The following CRAMP1 variants were observed in gnomAD, a reference collection of about 807,000 sequenced individuals.
CRAMP1 encodes the protein protein cramped-like.
A neutral mutation model predicts 115.4 loss-of-function variants in CRAMP1; 50 were observed. The ratio of observed to expected loss-of-function variants is 0.43; its 90% CI spans 0.35 to 0.55. CRAMP1 has a LOEUF of 0.55. CRAMP1 is among the 20% of genes least tolerant of loss of function. The pLI is 0.01. For synonymous variants in CRAMP1, 866 were observed against 745.4 expected (o/e 1.16, Z -2.64); for missense variants, 1,679 against 1,721.7 (o/e 0.98, Z 0.44).
intron 2 of CRAMP1, among the ~76,000 whole-genome samples, chr16:1,619,472 C>T (rs1422758857): frequency 3.9e-5 from 6 of 152,294 alleles, no homozygotes; most frequent in East Asian, 3.9e-4. Context: ...TGAGCCACTG[C>T]GCCCGGCACA....
chr16:1,674,418 T>C lies in CRAMP1; in HGVS notation c.*373T>C. 1 of 248,786 alleles carries C rather than the reference T, an allele frequency of 4.0e-6. No individual in the cohort carries two copies. The highest frequency in any genetic ancestry group is 7.9e-6 in the Non-Finnish European group (1 of 126,072). The allele number at this position is 248,786 out of a possible 1,614,324, so 15.4% of individuals were successfully genotyped here. ...AGTATGTGTGCCTTGGTGTAGTTGC[T>C]GTGCACTAGGAGCTGTGATCTCCCT... On this transcript the variant is annotated 3_prime_UTR_variant, in exon 21 of 21. Coordinates refer to ENST00000397412, the MANE Select transcript of CRAMP1 (RefSeq NM_020825.4).
chr16:1,665,835 G>A (rs529631548), intron 14 of CRAMP1: 22 of 531,250 alleles, frequency 4.1e-5, no homozygotes, highest in Non-Finnish European at 6.4e-5. Context: ...AGTGGTGACC[G>A]CAGCCTTCCA....
chr16:1,620,652 A>G (rs1470551413), intron 2 of CRAMP1: 2 of 457,016 alleles, frequency 4.4e-6, no homozygotes, highest in Admixed American at 4.7e-5. Context: ...ACATCTTCCA[A>G]AGGCCCAGCT....
intron 14 of CRAMP1, chr16:1,665,725 G>T: frequency 3.7e-6 from 1 of 271,840 alleles, no homozygotes; most frequent in South Asian, 7.6e-5. Context: ...AAATTGCAGT[G>T]GCAGCATCTT....
In CRAMP1 at chr16:1,656,350, G is replaced by T; in HGVS notation, c.1593G>T (p.Arg531Ser). ...PCLEKTPAEG[R>S]DSPTREPGAL... ...TTGAGAAGACCCCTGCAGAAGGCAG[G>T]GACAGTCCCACCCGGGAGCCAGGGG... Residue 531 changes from arginine (R) to serine (S), a missense_variant, in exon 10 of 21, where the codon AGG (arginine) becomes AGT (serine). Around this residue, in one of 8 missense-constraint regions of CRAMP1, gnomAD observed 405 missense variants for 302.6 expected, o/e 1.34. Coordinates refer to ENST00000397412, the MANE Select transcript of CRAMP1 (RefSeq NM_020825.4). The surrounding 1 kb of genome is among the most constrained non-coding windows in gnomAD (Gnocchi z 5.6). 6.2e-7 allele frequency: 1 copy of T among 1,607,226 alleles called. No homozygotes were observed. Among genetic ancestry groups the T allele is most frequent in the Admixed American group, 1.7e-5 (1 of 59,110 alleles).
chr16:1,663,350 G>A (rs933941634), intron 13 of CRAMP1, among the ~76,000 whole-genome samples: 1 of 152,182 alleles, frequency 6.6e-6, no homozygotes, highest in African/African-American at 2.4e-5. Context: ...AGAAATGTAT[G>A]GATGTGTGTT....
chr16:1,623,010 C>T (rs1371768795), intron 2 of CRAMP1, among the ~76,000 whole-genome samples: 1 of 152,076 alleles, frequency 6.6e-6, no homozygotes, highest in Non-Finnish European at 1.5e-5. Context: ...ATCCGCCTGC[C>T]TCGGCCTCCC....
At chr16:1,616,568 T>C (rs1189051160) in intron 2 of CRAMP1, among the ~76,000 whole-genome samples, 1 of 152,330 alleles carries the variant, frequency 6.6e-6, no homozygotes, top group Middle Eastern at 3.4e-3. Flanking sequence ...GGTCAATTTT[T>C]GGCAGTTGGG....
rs748149205 is a variant in CRAMP1, at chr16:1,667,544, C to A, written c.3102+144C>A. On this transcript the variant is annotated intron_variant, in intron 17 of 20. Transcript: ENST00000397412. The stretch of plus-strand genomic sequence containing the variant: ...TTTGCTGTTCTTCCACCTGCTGTGC[C>A]GACTGCCCAGGGTGGATAAATGAAT... 3.0e-4 allele frequency: 208 copies of A among 685,750 alleles called. 3 individuals are homozygous for A. The South Asian group carries it at 3.2e-3, about 11-fold the overall frequency. The allele number at this position is 685,750 out of a possible 1,614,324, so 42.5% of individuals were successfully genotyped here. A position where few individuals can be genotyped will look rare whatever the true frequency, so the allele number is the denominator to read the frequency against.
rs1467374376 is a variant in CRAMP1, at chr16:1,668,203, G to A, written c.3334+10G>A. On this transcript the variant is annotated intron_variant, in intron 18 of 20. Coordinates refer to ENST00000397412, the MANE Select transcript of CRAMP1 (RefSeq NM_020825.4). ...AGCTCCGGTCAGTACGGTAAGGGCA[G>A]GGCGGCCTCACAGCCCTTCCTGTCA... The A allele has an allele frequency of 3.1e-6, 5 of 1,598,876 alleles. No individual in the cohort carries two copies. The highest frequency in any genetic ancestry group is 4.3e-6 in the Non-Finnish European group (5 of 1,167,050).
At chr16:1,637,651 C>T (rs1412120637) in intron 4 of CRAMP1, among the ~76,000 whole-genome samples, 173 bp from the exon 5 acceptor site, 2 of 152,244 alleles carry the variant, frequency 1.3e-5, no homozygotes, top group Non-Finnish European at 2.9e-5. Flanking sequence ...ATCGCAGACA[C>T]AGCACCGTGT....
At chr16:1,621,236 G>T (rs999544654) in intron 2 of CRAMP1, among the ~76,000 whole-genome samples, 6 of 152,208 alleles carry the variant, frequency 3.9e-5, no homozygotes, top group African/African-American at 1.4e-4. Context: ...CATGTGATGG[G>T]GAAGAGGACG....
At chr16:1,623,593 G>C (rs984036311) in intron 2 of CRAMP1, among the ~76,000 whole-genome samples, 1 of 152,242 alleles carries the variant, frequency 6.6e-6, no homozygotes, top group Non-Finnish European at 1.5e-5. Context: ...TGTGGTCTTG[G>C]AAGATGATAG....
intron 2 of CRAMP1, among the ~76,000 whole-genome samples, chr16:1,620,863 G>A (rs973327193): frequency 6.6e-6 from 1 of 152,048 alleles, no homozygotes; most frequent in Non-Finnish European, 1.5e-5. Flanking sequence ...GAGTGAGAAG[G>A]TTGCGTGGTT....
intron 6 of CRAMP1, among the ~76,000 whole-genome samples, chr16:1,642,901 G>A (rs9940288): frequency 0.13 from 20,277 of 152,284 alleles, 1,818 homozygotes; most frequent in African/African-American, 0.22. Context: ...AAACACAGAT[G>A]TGCTGCCCAG....
intron 6 of CRAMP1, among the ~76,000 whole-genome samples, chr16:1,650,840 T>C (rs1751475055): frequency 6.6e-6 from 1 of 152,240 alleles, no homozygotes; most frequent in African/African-American, 2.4e-5. Flanking sequence ...AAGATACACA[T>C]GCCCTGAGCA....
At chr16:1,660,112 A>G in intron 11 of CRAMP1, 49 bp downstream of exon 11, 1 of 1,433,012 alleles carries the variant, frequency 7.0e-7, no homozygotes, top group Non-Finnish European at 9.2e-7. Flanking sequence ...CCCTGATGGC[A>G]CCTCAGGCTT....
At chr16:1,661,970 C>T (rs887533265) in intron 11 of CRAMP1, among the ~76,000 whole-genome samples, 1 of 152,216 alleles carries the variant, frequency 6.6e-6, no homozygotes, top group Admixed American at 6.5e-5. Flanking sequence ...AAGCTATAGG[C>T]CTGCAGCCCA....
chr16:1,643,995 G>C (rs900953955), intron 6 of CRAMP1, among the ~76,000 whole-genome samples: 2 of 152,242 alleles, frequency 1.3e-5, no homozygotes, highest in Non-Finnish European at 2.9e-5. Context: ...AGCTCACCTG[G>C]CTACCAGCTT....
Sources: allele counts gnomAD v4.1 joint callset (sites outside exome capture counted in the v4.1 genomes callset), GRCh38; gene constraint gnomAD v4.1.1; regional missense constraint gnomAD v4.1.1; non-coding constraint Gnocchi (gnomAD v3.1); transcripts MANE v1.5; gene names NCBI Gene and HGNC (gene_info 2026-07-23, HGNC 2026-07-21).